IQSEC1: variants seen among roughly 807,000 people sequenced by gnomAD.
IQSEC1 encodes IQ motif and Sec7 domain ArfGEF 1.
Under a neutral mutation model 91.0 loss-of-function variants are expected in IQSEC1, and 31 were observed. The ratio of observed to expected loss-of-function variants is 0.34; its 90% CI spans 0.26 to 0.46. The LOEUF (loss-of-function observed/expected upper bound fraction) is 0.46, where lower values mean the gene tolerates loss of function less well. Among genes scored for constraint, IQSEC1 ranks in the 20% least tolerant of loss-of-function variants. The probability of loss-of-function intolerance (pLI) is 1.00; values close to 1 mark genes in which losing one functional copy is unlikely to be tolerated. For missense variants in IQSEC1, 1,388 were observed against 1,575.6 expected, an observed-to-expected ratio of 0.88 and a Z score of 2.02; for synonymous variants, 699 against 662.6, an observed-to-expected ratio of 1.05 and a Z score of -0.84.
intron 1 of IQSEC1, among the ~76,000 whole-genome samples, chr3:13,036,171 C>T (rs1462282533): frequency 6.6e-6 from 1 of 152,174 alleles, no homozygotes; most frequent in Non-Finnish European, 1.5e-5. Flanking sequence ...GTCATAACAA[C>T]CGCGACAGTT....
chr3:13,104,461 C>G (rs1356177300), intron 2 of IQSEC1, among the ~76,000 whole-genome samples: 2 of 152,176 alleles, frequency 1.3e-5, no homozygotes, highest in Non-Finnish European at 2.9e-5. Flanking sequence ...TACAAAAATA[C>G]ATTCACAGCC....
intron 1 of IQSEC1, among the ~76,000 whole-genome samples, chr3:13,031,144 C>A (rs143039647): frequency 7.2e-4 from 110 of 152,358 alleles, no homozygotes; most frequent in Non-Finnish European, 9.4e-4. Context: ...AAAACTGCCC[C>A]GTTTTTGTTA....
intron 2 of IQSEC1, among the ~76,000 whole-genome samples, chr3:13,090,521 G>A (rs1028070260): frequency 1.3e-5 from 2 of 152,172 alleles, no homozygotes; most frequent in African/African-American, 4.8e-5. Flanking sequence ...GTGTCCATGT[G>A]TGCCACCCAC....
chr3:12,915,472 G>A (rs1014859654), intron 7 of IQSEC1, 122 bp downstream of exon 7: 21 of 1,097,640 alleles, frequency 1.9e-5, no homozygotes, highest in Non-Finnish European at 2.6e-5. Context: ...AGCCCTGGCA[G>A]AATTCACCAG....
intron 1 of IQSEC1, among the ~76,000 whole-genome samples, chr3:12,996,768 GC>G (rs1162901037): frequency 6.6e-6 from 1 of 152,190 alleles, no homozygotes; most frequent in Non-Finnish European, 1.5e-5. Context: ...ATATGAACAA[GC>G]AGCTCATGGA....
chr3:13,049,020 C>A (rs1316087516), intron 1 of IQSEC1, among the ~76,000 whole-genome samples: 1 of 152,208 alleles, frequency 6.6e-6, no homozygotes, highest in Middle Eastern at 3.2e-3. Flanking sequence ...AGCTCACTTC[C>A]TGGACTGGTC....
At chr3:13,081,220 T>A (rs1705642764) in intron 2 of IQSEC1, among the ~76,000 whole-genome samples, 1 of 152,202 alleles carries the variant, frequency 6.6e-6, no homozygotes, top group Admixed American at 6.5e-5. Flanking sequence ...AGTTGGCATC[T>A]CTGGGTGGCA....
chr3:12,947,319 C>T (rs563292089), intron 1 of IQSEC1, among the ~76,000 whole-genome samples: 1 of 152,264 alleles, frequency 6.6e-6, no homozygotes, highest in Non-Finnish European at 1.5e-5. Flanking sequence ...GGTCAGACAC[C>T]CGTCAGAGAG....
rs529439142 is a variant in IQSEC1 at position 13,223,709 on chromosome 3, G to A, written c.272+59002C>T. On this transcript the variant is annotated intron_variant, in intron 1 of 15. Transcript: ENST00000648114. ...ATGCAGGGACCGCGGCGTCTGCAGA[G>A]GAAGTCAAAGCAAAGGCATTAGCAG... Among the ~76,000 whole-genome samples the A allele has an allele frequency of 2.6e-5, 4 of 152,340 alleles. No homozygotes were observed. In the South Asian group the frequency reaches 8.3e-4, roughly 32 times the overall value.
chr3:13,014,381 A>C (rs533850394), intron 1 of IQSEC1, among the ~76,000 whole-genome samples: 1 of 152,184 alleles, frequency 6.6e-6, no homozygotes, highest in South Asian at 2.1e-4. Context: ...AGATGTTGGG[A>C]CATCTGTCCC....
At chr3:13,110,546 G>A (rs1001384450) in intron 2 of IQSEC1, among the ~76,000 whole-genome samples, 17 of 152,144 alleles carry the variant, frequency 1.1e-4, no homozygotes, top group African/African-American at 3.9e-4. Context: ...CCGAGATCGC[G>A]CCATTGCACT....
intron 13 of IQSEC1, among the ~76,000 whole-genome samples, chr3:12,902,255 C>CA (rs1384181312): frequency 6.6e-6 from 1 of 152,102 alleles, no homozygotes; most frequent in African/African-American, 2.4e-5. Context: ...CTCCTCCTCC[C>CA]ACAAGCTAAG....
intron 1 of IQSEC1, among the ~76,000 whole-genome samples, chr3:12,949,902 G>C (rs140840751): frequency 2.6e-5 from 4 of 152,304 alleles, no homozygotes; most frequent in African/African-American, 9.6e-5. Context: ...CCAGGGGCAG[G>C]AGCTTCAGAC....
chr3:13,228,506 CTG>C (rs1694794817), intron 1 of IQSEC1, among the ~76,000 whole-genome samples: 1 of 152,252 alleles, frequency 6.6e-6, no homozygotes, highest in African/African-American at 2.4e-5. Flanking sequence ...ATTATAGTAA[CTG>C]TTTTATTAAT....
intron 1 of IQSEC1, among the ~76,000 whole-genome samples, chr3:13,032,738 C>T (rs1252306159): frequency 2.0e-5 from 3 of 152,270 alleles, no homozygotes; most frequent in Admixed American, 6.5e-5. Context: ...CGCCCGCCAC[C>T]ACACCCAGCT....
chr3:12,988,989 G>A (rs962411253), intron 1 of IQSEC1, among the ~76,000 whole-genome samples: 1 of 152,224 alleles, frequency 6.6e-6, no homozygotes, highest in Admixed American at 6.5e-5. Flanking sequence ...TGCAAAGCAA[G>A]TTAGAAGCCA....
intron 1 of IQSEC1, among the ~76,000 whole-genome samples, chr3:13,019,865 G>A (rs984816427): frequency 2.6e-5 from 4 of 152,118 alleles, no homozygotes; most frequent in African/African-American, 9.7e-5. Context: ...AAAGCCTCCC[G>A]TAAGGCCCCG....
At chr3:12,984,618 T>G (rs1221394872) in intron 1 of IQSEC1, among the ~76,000 whole-genome samples, 1 of 152,072 alleles carries the variant, frequency 6.6e-6, no homozygotes, top group African/African-American at 2.4e-5. Context: ...GCACGACCTG[T>G]AGCCACATGG....
chr3:13,009,354 G>A (rs748077191), intron 1 of IQSEC1, among the ~76,000 whole-genome samples: 5 of 152,100 alleles, frequency 3.3e-5, no homozygotes, highest in Non-Finnish European at 5.9e-5. Context: ...GGTGTGGGCA[G>A]GCTGATTTCT....
Sources: allele counts gnomAD v4.1 joint callset (sites outside exome capture counted in the v4.1 genomes callset), GRCh38; gene constraint gnomAD v4.1.1; transcripts MANE v1.5; gene names NCBI Gene and HGNC (gene_info 2026-07-23, HGNC 2026-07-21).